The following ADAMTS6 variants were observed in gnomAD, a reference collection of about 807,000 sequenced individuals.
ADAMTS6 encodes A disintegrin and metalloproteinase with thrombospondin motifs 6.
Under a neutral mutation model 144.3 loss-of-function variants are expected in ADAMTS6, and 23 were observed. That is an observed-to-expected ratio of 0.16 (90% CI 0.11 to 0.23). ADAMTS6 has a LOEUF of 0.23. Ranked by LOEUF, ADAMTS6 falls within the 10% of genes least tolerant of loss-of-function variation. The pLI, the probability that ADAMTS6 is intolerant of heterozygous loss-of-function variation, is 1.00. For synonymous variants in ADAMTS6, 444 were observed against 457.5 expected, an observed-to-expected ratio of 0.97 and a Z score of 0.38; for missense variants, 999 against 1,379.6, an observed-to-expected ratio of 0.72 and a Z score of 4.37.
intron 9 of ADAMTS6, among the ~76,000 whole-genome samples, chr5:65,325,878 A>G (rs1416886180): frequency 6.6e-6 from 1 of 152,186 alleles, no homozygotes; most frequent in African/African-American, 2.4e-5. Context: ...AGCCACACCT[A>G]AACAATGTAT....
At chr5:65,223,446 T>C (rs1347092794) in intron 18 of ADAMTS6, among the ~76,000 whole-genome samples, 1 of 152,202 alleles carries the variant, frequency 6.6e-6, no homozygotes, top group African/African-American at 2.4e-5. Flanking sequence ...AACTGAAAGT[T>C]TGTACTATTT....
intron 7 of ADAMTS6, among the ~76,000 whole-genome samples, chr5:65,385,866 G>C (rs1035928867): frequency 6.6e-6 from 1 of 152,128 alleles, no homozygotes; most frequent in African/African-American, 2.4e-5. Context: ...TAAAGTAAAA[G>C]CACTGACCAA....
At chr5:65,295,306 A>C (rs1742726340) in intron 10 of ADAMTS6, among the ~76,000 whole-genome samples, 1 of 152,122 alleles carries the variant, frequency 6.6e-6, no homozygotes, top group Non-Finnish European at 1.5e-5. Flanking sequence ...CCTTTCATAA[A>C]ATATTAGATA....
In ADAMTS6 at chr5:65,422,553, C is replaced by T. The variant is rs190497203; in HGVS notation, c.1073+28922G>A. On this transcript the variant is annotated intron_variant, in intron 7 of 24. Coordinates refer to ENST00000381055, the MANE Select transcript of ADAMTS6 (RefSeq NM_197941.4). Reference sequence around the variant, plus strand: ...AGGAGAATCGCTTGAACCCAGGAGGCGGAGGTTGCAGTGAGCCAATATCAT... The same window carrying T: ...AGGAGAATCGCTTGAACCCAGGAGGTGGAGGTTGCAGTGAGCCAATATCAT... 3.9e-3 allele frequency among the ~76,000 whole-genome samples: 595 copies of T among 152,102 alleles called. 3 individuals carry two copies. The highest frequency in any genetic ancestry group is 0.013 in the African/African-American group (549 of 41,514).
At chr5:65,180,515 T>C (rs112412717) in intron 22 of ADAMTS6, among the ~76,000 whole-genome samples, 112 of 152,246 alleles carry the variant, frequency 7.4e-4, no homozygotes, top group African/African-American at 2.6e-3. Context: ...GTCTCACACC[T>C]GTTGATTTCT....
At position 65,481,329 on chromosome 5, in the gene ADAMTS6, T is replaced by C. The variant is rs1761189098; in HGVS notation, c.-280+14A>G. On this transcript the variant is annotated intron_variant, in intron 1 of 24. Transcript: ENST00000381055. ...AAAAAAAAGCTCCATTGAATATTGTTAAGTCTTCCTTACCGTTTTCATCTT... is the reference window on the plus strand; with the variant it reads ...AAAAAAAAGCTCCATTGAATATTGTCAAGTCTTCCTTACCGTTTTCATCTT... The C allele has an allele frequency of 6.6e-6, 1 of 151,996 alleles. No individual in the cohort carries two copies. Among genetic ancestry groups the C allele is most frequent in the Non-Finnish European group, 1.5e-5 (1 of 68,004 alleles). 9.4% of individuals were successfully genotyped at this position (151,996 alleles called of 1,614,324 possible). A position where few individuals can be genotyped will look rare whatever the true frequency, so the allele number is the denominator to read the frequency against.
In ADAMTS6 at chr5:65,403,787, C is replaced by T. The variant is rs532735452; in HGVS notation, c.1073+47688G>A. ...TATACAAATAATATAACTCTCTAGA[C>T]TCCATTATCTTCATGGATTTATCAC... is the stretch of plus-strand genomic sequence containing the variant. On this transcript the variant is annotated intron_variant, in intron 7 of 24. Coordinates refer to ENST00000381055, the MANE Select transcript of ADAMTS6 (RefSeq NM_197941.4). Among the ~76,000 whole-genome samples the T allele has an allele frequency of 1.2e-4, 18 of 152,164 alleles. No individual in the cohort carries two copies. The South Asian group carries it at 3.1e-3, about 26-fold the overall frequency.
chr5:65,304,607 A>T (rs1051787142), intron 9 of ADAMTS6, among the ~76,000 whole-genome samples: 2 of 152,008 alleles, frequency 1.3e-5, no homozygotes, highest in Admixed American at 1.3e-4. Context: ...AAATTTTTAA[A>T]TTTTCATAAA....
intron 7 of ADAMTS6, among the ~76,000 whole-genome samples, chr5:65,439,988 A>G (rs1294758173): frequency 6.6e-6 from 1 of 152,112 alleles, no homozygotes; most frequent in Non-Finnish European, 1.5e-5. Context: ...TATTTTTAGT[A>G]GTAGAGATGG....
intron 4 of ADAMTS6, among the ~76,000 whole-genome samples, chr5:65,458,621 A>T (rs1430896001): frequency 3.3e-5 from 5 of 152,184 alleles, no homozygotes; most frequent in Non-Finnish European, 7.3e-5. Context: ...CATATTGGCC[A>T]GGCTGATCTT....
At position 65,440,602 on chromosome 5, in the gene ADAMTS6, T is replaced by C. The variant is rs574526533; in HGVS notation, c.1073+10873A>G. Reference sequence around the variant, plus strand: ...ATTTGCAAAGGATTCCCCTTAACTATTCAGTTGAGTGTGAATCTGGCTCAT... The same window carrying C: ...ATTTGCAAAGGATTCCCCTTAACTACTCAGTTGAGTGTGAATCTGGCTCAT... On this transcript the variant is annotated intron_variant, in intron 7 of 24. Coordinates refer to ENST00000381055, the MANE Select transcript of ADAMTS6 (RefSeq NM_197941.4). Among the ~76,000 whole-genome samples, 214 of 152,332 alleles carry C rather than the reference T, an allele frequency of 1.4e-3. 1 individual carries two copies. Among genetic ancestry groups the C allele is most frequent in the Admixed American group, 3.3e-3 (51 of 15,306 alleles).
intron 7 of ADAMTS6, among the ~76,000 whole-genome samples, chr5:65,396,283 C>A (rs1193435499): frequency 2.0e-5 from 3 of 152,122 alleles, no homozygotes; most frequent in African/African-American, 7.2e-5. Flanking sequence ...TGCATGCATA[C>A]AACCCTTTTA....
intron 7 of ADAMTS6, among the ~76,000 whole-genome samples, chr5:65,445,041 C>T (rs1235522925): frequency 6.6e-6 from 1 of 152,144 alleles, no homozygotes; most frequent in East Asian, 1.9e-4. Flanking sequence ...ATCCATAAAA[C>T]CAATATAAAT....
intron 7 of ADAMTS6, among the ~76,000 whole-genome samples, chr5:65,359,851 G>A (rs13361777): frequency 0.017 from 2,586 of 152,218 alleles, 64 homozygotes; most frequent in African/African-American, 0.06. Flanking sequence ...AAGCTAGGGA[G>A]AGGTGAAGGG....
chr5:65,263,749 T>C (rs1169981505), intron 12 of ADAMTS6, among the ~76,000 whole-genome samples: 1 of 152,202 alleles, frequency 6.6e-6, no homozygotes, highest in African/African-American at 2.4e-5. Context: ...AAAATGAAAG[T>C]CTTTTTTAAA....
intron 7 of ADAMTS6, among the ~76,000 whole-genome samples, chr5:65,339,844 G>C (rs1283774206): frequency 6.6e-6 from 1 of 151,884 alleles, no homozygotes; most frequent in Non-Finnish European, 1.5e-5. Context: ...AAAGAATGAA[G>C]AAAGCCTATA....
chr5:65,259,222 A>ATATATATAT (rs200053496), intron 14 of ADAMTS6, among the ~76,000 whole-genome samples: 2 of 144,370 alleles, frequency 1.4e-5, no homozygotes, highest in African/African-American at 5.1e-5. Flanking sequence ...TATATATATA[A>ATATATATAT]AATTAGCCAG....
intron 14 of ADAMTS6, among the ~76,000 whole-genome samples, chr5:65,254,538 G>A (rs536720566): frequency 9.2e-5 from 14 of 152,250 alleles, no homozygotes; most frequent in African/African-American, 3.1e-4. Flanking sequence ...GAAACAGGAG[G>A]CCAGTGTAGG....
At chr5:65,258,112 G>T (rs1352763881) in intron 14 of ADAMTS6, among the ~76,000 whole-genome samples, 1 of 152,012 alleles carries the variant, frequency 6.6e-6, no homozygotes, top group Non-Finnish European at 1.5e-5. Flanking sequence ...AACTATATAG[G>T]TGATAGAAGG....
Sources: allele counts gnomAD v4.1 joint callset (sites outside exome capture counted in the v4.1 genomes callset), GRCh38; gene constraint gnomAD v4.1.1; transcripts MANE v1.5; gene names NCBI Gene and HGNC (gene_info 2026-07-23, HGNC 2026-07-21).